The following PPP1CB variants were observed in gnomAD, a reference collection of about 807,000 sequenced individuals.
PPP1CB encodes serine/threonine-protein phosphatase PP1-beta catalytic subunit.
Under a neutral mutation model 43.7 loss-of-function variants are expected in PPP1CB, and 2 were observed. The ratio of observed to expected loss-of-function variants is 0.05; its 90% CI spans 0.02 to 0.14. The LOEUF is 0.14. Ranked by LOEUF, PPP1CB falls within the 10% of genes least tolerant of loss-of-function variation. The probability of loss-of-function intolerance (pLI) is 1.00; values close to 1 mark genes in which losing one functional copy is unlikely to be tolerated. For synonymous variants in PPP1CB, 136 were observed against 135.6 expected, an observed-to-expected ratio of 1.00 and a Z score of -0.02; for missense variants, 84 against 398.0, an observed-to-expected ratio of 0.21 and a Z score of 6.71.
Position 28,787,058 on chromosome 2 carries a change from C to G in PPP1CB, c.593-1600C>G, listed in dbSNP as rs544648917. Among the ~76,000 whole-genome samples, 9 of 152,266 alleles carry G rather than the reference C, an allele frequency of 5.9e-5. No homozygotes were observed. The South Asian group carries it at 1.2e-3, about 21-fold the overall frequency. On this transcript the variant is annotated intron_variant, in intron 5 of 7. Transcript: ENST00000395366. Reference sequence around the variant, plus strand: ...ACAAATGGTTTTATAATGCCTCTATCAAGATATGATGTACTGTAACTGAAA... The same window carrying G: ...ACAAATGGTTTTATAATGCCTCTATGAAGATATGATGTACTGTAACTGAAA...
At chr2:28,793,718 A>C in intron 6 of PPP1CB, 145 bp from the exon 7 acceptor site, 1 of 777,754 alleles carries the variant, frequency 1.3e-6, no homozygotes, top group Non-Finnish European at 2.0e-6. Context: ...AAAGTTTAAG[A>C]ATAAAAATCA....
At chr2:28,777,219 TATAA>T in intron 2 of PPP1CB, 1 of 243,618 alleles carries the variant, frequency 4.1e-6, no homozygotes, top group Admixed American at 5.2e-5. Flanking sequence ...AAAGAGTTCT[TATAA>T]ATAAGAGAAA....
intron 6 of PPP1CB, among the ~76,000 whole-genome samples, chr2:28,793,360 T>C (rs1246628222): frequency 6.6e-6 from 1 of 151,912 alleles, no homozygotes; most frequent in East Asian, 1.9e-4. Flanking sequence ...TATTTTAAAA[T>C]CAAAGCAAGA....
At chr2:28,797,284 A>C (rs542477917) in intron 7 of PPP1CB, among the ~76,000 whole-genome samples, 9 of 152,232 alleles carry the variant, frequency 5.9e-5, no homozygotes, top group Non-Finnish European at 1.2e-4. Context: ...CTCACTTCGT[A>C]GACTGAGTTA....
At chr2:28,771,975 C>CAAA (rs145379596) in intron 1 of PPP1CB, among the ~76,000 whole-genome samples, 1 of 134,856 alleles carries the variant, frequency 7.4e-6, no homozygotes, top group Admixed American at 7.7e-5. Context: ...CGAACTTGTC[C>CAAA]AAAAAAAAAA....
intron 5 of PPP1CB, among the ~76,000 whole-genome samples, chr2:28,786,700 G>A (rs562527902): frequency 1.3e-4 from 20 of 149,310 alleles, no homozygotes; most frequent in Non-Finnish European, 2.2e-4. Flanking sequence ...GCATGAACCC[G>A]GGAGGTGGAG....
intron 5 of PPP1CB, among the ~76,000 whole-genome samples, chr2:28,787,718 A>G (rs1249605825): frequency 6.6e-6 from 1 of 152,150 alleles, no homozygotes; most frequent in Non-Finnish European, 1.5e-5. Context: ...TACGTTTACT[A>G]TACTAAGCCC....
chr2:28,751,790 G>A, upstream of PPP1CB: 1 of 417,618 alleles, frequency 2.4e-6, no homozygotes, highest in Non-Finnish European at 4.4e-6. Flanking sequence ...CGGAGTGAGT[G>A]GCGCTGCGGG....
chr2:28,773,811 T>G (rs150557100), intron 1 of PPP1CB, among the ~76,000 whole-genome samples: 1 of 152,336 alleles, frequency 6.6e-6, no homozygotes, highest in Non-Finnish European at 1.5e-5. Context: ...TTGTCAGAGT[T>G]TTAAACATTG....
intron 1 of PPP1CB, among the ~76,000 whole-genome samples, chr2:28,771,055 C>CCCCCCCTT (rs1558302176): frequency 6.7e-5 from 4 of 59,600 alleles, no homozygotes; most frequent in Non-Finnish European, 9.6e-5. Flanking sequence ...CCCCCCCACC[C>CCCCCCCTT]TTTTTTTTTT....
intron 1 of PPP1CB, among the ~76,000 whole-genome samples, chr2:28,765,497 A>AT (rs918994305): frequency 3.3e-5 from 5 of 152,008 alleles, no homozygotes; most frequent in African/African-American, 1.2e-4. Flanking sequence ...ATATATGGAA[A>AT]TTTTTTTTGC....
At chr2:28,766,097 G>A (rs1666771928) in intron 1 of PPP1CB, among the ~76,000 whole-genome samples, 2 of 152,100 alleles carry the variant, frequency 1.3e-5, no homozygotes, top group South Asian at 2.1e-4. Flanking sequence ...ATTAAAAGGG[G>A]AAAAATTACT....
intron 1 of PPP1CB, among the ~76,000 whole-genome samples, chr2:28,773,669 CCTT>C (rs1303468490): frequency 3.7e-5 from 3 of 80,698 alleles, no homozygotes; most frequent in African/African-American, 7.8e-5. Context: ...ATGATTTCTT[CCTT>C]TTTTTCAGAA....
At chr2:28,794,994 A>G (rs956745244) in intron 7 of PPP1CB, among the ~76,000 whole-genome samples, 4 of 151,902 alleles carry the variant, frequency 2.6e-5, no homozygotes, top group African/African-American at 9.7e-5. Flanking sequence ...ATTCCCCCTC[A>G]CCCTTTCCAC....
rs187418996 is a variant in PPP1CB at position 28,776,072 on chromosome 2, A to G, written c.53-779A>G. ...TGGGGACTGCTGGTAACATTCCAAG[A>G]AAGTGTGTGAAGCTAAATCACCTAC... On this transcript the variant is annotated intron_variant, in intron 1 of 7. Transcript: ENST00000395366. Among the ~76,000 whole-genome samples the G allele has an allele frequency of 7.9e-5, 12 of 152,080 alleles. No homozygotes were observed. The East Asian group carries it at 1.7e-3, about 22-fold the overall frequency.
At position 28,775,322 on chromosome 2, in the gene PPP1CB, C is replaced by T. The variant is rs565596815; in HGVS notation, c.53-1529C>T. On this transcript the variant is annotated intron_variant, in intron 1 of 7. Transcript: ENST00000395366. ...TGGGGTTTCATCGTGTTGCCCAGGG[C>T]GATCTTGCGCTCCTGAGCTCAAGTG... is the stretch of plus-strand genomic sequence containing the variant. Among the ~76,000 whole-genome samples, 534 of 152,092 alleles carry T rather than the reference C, an allele frequency of 3.5e-3. 3 individuals carry two copies. Among genetic ancestry groups the T allele is most frequent in the African/African-American group, 0.012 (492 of 41,476 alleles).
intron 1 of PPP1CB, among the ~76,000 whole-genome samples, chr2:28,772,269 C>A (rs1179810839): frequency 6.6e-6 from 1 of 152,078 alleles, no homozygotes; most frequent in African/African-American, 2.4e-5. Context: ...CCACTACACT[C>A]CAGCCTGGGT....
chr2:28,752,952 G>T (rs953460356), intron 1 of PPP1CB, among the ~76,000 whole-genome samples: 12 of 152,174 alleles, frequency 7.9e-5, no homozygotes, highest in Admixed American at 6.5e-4. Context: ...TATTCGAAAG[G>T]TATTTGTAGG....
At chr2:28,754,387 C>T (rs1017358521) in intron 1 of PPP1CB, among the ~76,000 whole-genome samples, 1 of 151,746 alleles carries the variant, frequency 6.6e-6, no homozygotes, top group African/African-American at 2.4e-5. Context: ...ATACGTTTCT[C>T]TCTTAATTTA....
Sources: allele counts gnomAD v4.1 joint callset (sites outside exome capture counted in the v4.1 genomes callset), GRCh38; gene constraint gnomAD v4.1.1; transcripts MANE v1.5; gene names NCBI Gene and HGNC (gene_info 2026-07-23, HGNC 2026-07-21).